Variants in CRPPA observed in about 807,000 individuals in gnomAD.
CRPPA encodes the protein D-ribitol-5-phosphate cytidylyltransferase.
A neutral mutation model predicts 52.0 loss-of-function variants in CRPPA; 43 were observed. The ratio of observed to expected loss-of-function variants is 0.83; its 90% CI spans 0.65 to 1.07. CRPPA has a LOEUF of 1.07. Ranked by LOEUF, CRPPA falls within the 50% of genes least tolerant of loss-of-function variation. The pLI is 0.00. For missense variants in CRPPA, 629 were observed against 551.7 expected (o/e 1.14, Z -1.40); for synonymous variants, 250 against 203.5 (o/e 1.23, Z -1.94).
chr7:16,210,761 T>C (rs1381850795), intron 9 of CRPPA, among the ~76,000 whole-genome samples: 3 of 152,096 alleles, frequency 2.0e-5, no homozygotes, highest in South Asian at 2.1e-4. Context: ...AATTCGCTCA[T>C]TAAAAATTTC....
chr7:16,382,928 T>G (rs148555734), intron 2 of CRPPA, among the ~76,000 whole-genome samples: 440 of 152,356 alleles, frequency 2.9e-3, no homozygotes, highest in African/African-American at 0.01. Context: ...TTCTTTGCCT[T>G]TGGCTTGAAT....
rs540719309 is a variant in CRPPA at position 16,328,138 on chromosome 7, G to A, written c.685-19511C>T. On this transcript the variant is annotated intron_variant, in intron 3 of 9. Transcript: ENST00000407010. ...TGTCCATTTATTACGGAATCTTTAG[G>A]GAGATAACATCTTCTGATTTGTCCA... 1.4e-4 allele frequency among the ~76,000 whole-genome samples: 22 copies of A among 152,030 alleles called. No homozygotes were observed. In the South Asian group the frequency reaches 4.4e-3, roughly 30 times the overall value.
In CRPPA at chr7:16,089,505, A is replaced by G. The variant is rs1355390756; in HGVS notation, c.*2190T>C. ...TATACGGGTATATATGTACGTACAT[A>G]CATAGATATGGGTATATATGTACGT... On this transcript the variant is annotated 3_prime_UTR_variant, in exon 10 of 10. Coordinates refer to ENST00000407010, the MANE Select transcript of CRPPA (RefSeq NM_001101426.4). 3.5e-6 allele frequency: 1 copy of G among 284,426 alleles called. No individual in the cohort carries two copies. The highest frequency in any genetic ancestry group is 8.0e-5 in the East Asian group (1 of 12,446). 17.6% of individuals were successfully genotyped at this position (284,426 alleles called of 1,614,324 possible).
chr7:16,092,171 C>T (rs1304654537), intron 9 of CRPPA, among the ~76,000 whole-genome samples: 1 of 152,096 alleles, frequency 6.6e-6, no homozygotes, highest in Admixed American at 6.6e-5. Flanking sequence ...TGTTCTCCAA[C>T]TTTGTTATGA....
At chr7:16,235,751 A>G (rs1782933623) in intron 8 of CRPPA, among the ~76,000 whole-genome samples, 1 of 152,140 alleles carries the variant, frequency 6.6e-6, no homozygotes, top group Non-Finnish European at 1.5e-5. Flanking sequence ...AATGATTTTC[A>G]AGATCCTTTT....
chr7:16,303,404 T>A (rs999786121), intron 4 of CRPPA, among the ~76,000 whole-genome samples: 4 of 146,098 alleles, frequency 2.7e-5, no homozygotes, highest in African/African-American at 1.0e-4. Flanking sequence ...GGTAAGGTAA[T>A]AATACGGTGG....
At chr7:16,124,995 C>T (rs929829329) in intron 9 of CRPPA, among the ~76,000 whole-genome samples, 4 of 152,036 alleles carry the variant, frequency 2.6e-5, no homozygotes, top group Non-Finnish European at 4.4e-5. Flanking sequence ...TGCAGTGGCT[C>T]ACGCCTGTAA....
At chr7:16,334,188 C>T (rs2128430918) in intron 3 of CRPPA, among the ~76,000 whole-genome samples, 1 of 152,304 alleles carries the variant, frequency 6.6e-6, no homozygotes, top group Non-Finnish European at 1.5e-5. Context: ...GTCTTCCCAT[C>T]TGAAATCCTT....
rs754625901 is a variant in CRPPA, at chr7:16,406,355, G to C, written c.258-18C>G. The C allele has an allele frequency of 6.3e-7, 1 of 1,592,028 alleles. No homozygotes were observed. Reference sequence around the variant, plus strand: ...AACATACTCTAAAAGGAAAGTATATGTACAATTCGTAAATTAATTCTTAGA... The same window carrying C: ...AACATACTCTAAAAGGAAAGTATATCTACAATTCGTAAATTAATTCTTAGA... On this transcript the variant is annotated intron_variant, in intron 1 of 9. Coordinates refer to ENST00000407010, the MANE Select transcript of CRPPA (RefSeq NM_001101426.4).
intron 9 of CRPPA, among the ~76,000 whole-genome samples, chr7:16,134,963 G>A (rs998745092): frequency 5.9e-5 from 9 of 152,142 alleles, no homozygotes; most frequent in African/African-American, 1.2e-4. Context: ...TCATATACCT[G>A]TTTTGTTGTC....
intron 8 of CRPPA, among the ~76,000 whole-genome samples, chr7:16,232,092 A>G (rs893356833): frequency 6.6e-6 from 1 of 152,208 alleles, no homozygotes; most frequent in East Asian, 1.9e-4. Flanking sequence ...TTCCTCATAC[A>G]GACAGCAGAG....
chr7:16,360,261 A>G (rs1786410266), intron 3 of CRPPA, among the ~76,000 whole-genome samples: 1 of 152,214 alleles, frequency 6.6e-6, no homozygotes, highest in Non-Finnish European at 1.5e-5. Flanking sequence ...TGTATTTTAT[A>G]CTATTAAAAA....
At chr7:16,216,283 A>G (rs1562563148) in intron 8 of CRPPA, 86 bp from the exon 9 acceptor site, 3 of 798,534 alleles carry the variant, frequency 3.8e-6, no homozygotes, top group Admixed American at 3.1e-5. Context: ...CTCAAAACCC[A>G]TATGATTACA....
chr7:16,143,307 T>C (rs938175901), intron 9 of CRPPA, among the ~76,000 whole-genome samples: 12 of 152,120 alleles, frequency 7.9e-5, no homozygotes, highest in African/African-American at 2.4e-4. Context: ...TCAGGAAAGG[T>C]TTATCACAAG....
intron 3 of CRPPA, among the ~76,000 whole-genome samples, chr7:16,345,783 A>G (rs1785999387): frequency 6.6e-6 from 1 of 152,148 alleles, no homozygotes; most frequent in South Asian, 2.1e-4. Flanking sequence ...AGGTACAATT[A>G]TCTTTTTATA....
intron 8 of CRPPA, among the ~76,000 whole-genome samples, chr7:16,238,148 A>G (rs1181936180): frequency 6.6e-6 from 1 of 152,172 alleles, no homozygotes; most frequent in East Asian, 1.9e-4. Flanking sequence ...GACCAATACA[A>G]TTATTTCCTT....
At chr7:16,199,226 A>C (rs1015862588) in intron 9 of CRPPA, among the ~76,000 whole-genome samples, 2 of 151,904 alleles carry the variant, frequency 1.3e-5, no homozygotes, top group Admixed American at 6.6e-5. Flanking sequence ...CCTCCCACCT[A>C]CCCCTTCATG....
At chr7:16,396,844 G>C (rs115875318) in intron 2 of CRPPA, among the ~76,000 whole-genome samples, 4,921 of 152,330 alleles carry the variant, frequency 0.032, 155 homozygotes, top group African/African-American at 0.077. Context: ...ATACGTATGT[G>C]ACACGTAATG....
chr7:16,233,273 A>G (rs770269073), intron 8 of CRPPA, among the ~76,000 whole-genome samples: 16 of 152,176 alleles, frequency 1.1e-4, no homozygotes, highest in Non-Finnish European at 2.4e-4. Context: ...AAACATTTGA[A>G]TAATTAATGC....
Sources: allele counts gnomAD v4.1 joint callset (sites outside exome capture counted in the v4.1 genomes callset), GRCh38; gene constraint gnomAD v4.1.1; transcripts MANE v1.5; gene names NCBI Gene and HGNC (gene_info 2026-07-23, HGNC 2026-07-21).